Variants in THSD7B observed in about 807,000 individuals in gnomAD.
THSD7B encodes the protein thrombospondin type-1 domain-containing protein 7B.
THSD7B carries 138 observed loss-of-function variants against 213.6 expected under a neutral mutation model. That is an observed-to-expected ratio of 0.65 (90% CI 0.56 to 0.74). THSD7B has a LOEUF of 0.74. Among genes scored for constraint, THSD7B ranks in the 30% least tolerant of loss-of-function variants. The pLI, the probability that THSD7B is intolerant of heterozygous loss-of-function variation, is 0.00. For missense variants in THSD7B, 1,931 were observed against 1,991.5 expected (o/e 0.97, Z 0.58); for synonymous variants, 742 against 687.0 (o/e 1.08, Z -1.25).
chr2:137,620,593 T>C lies in THSD7B; in HGVS notation c.3682-16T>C. On this transcript the variant is annotated splice_polypyrimidine_tract_variant and intron_variant, in intron 19 of 27. Coordinates refer to ENST00000409968, the MANE Select transcript of THSD7B (RefSeq NM_001316349.2). ...GTGATTTCTCCAATAAAGTTGTGTT[T>C]CATTTCCATTTGCAGCATAATTTGG... 5 of 1,595,054 alleles carry C rather than the reference T, an allele frequency of 3.1e-6. No individual in the cohort carries two copies. The highest frequency in any genetic ancestry group is 4.3e-6 in the Non-Finnish European group (5 of 1,163,122).
intron 1 of THSD7B, among the ~76,000 whole-genome samples, chr2:136,781,999 A>G (rs1681751740): frequency 1.3e-5 from 2 of 152,248 alleles, no homozygotes; most frequent in South Asian, 4.1e-4. Flanking sequence ...AGGGCACAGC[A>G]TTAAAAAACT....
At chr2:136,983,358 G>GACACACACAGACACACACACAC (rs1553462389) in intron 2 of THSD7B, among the ~76,000 whole-genome samples, 1 of 105,028 alleles carries the variant, frequency 9.5e-6, no homozygotes, top group Non-Finnish European at 2.2e-5. Context: ...CAGACACACA[G>GACACACACAGACACACACACAC]ACACACACAC....
At chr2:136,795,210 A>G (rs575182781) in intron 1 of THSD7B, among the ~76,000 whole-genome samples, 1 of 152,096 alleles carries the variant, frequency 6.6e-6, no homozygotes, top group Admixed American at 6.6e-5. Context: ...CCGAGGTGTC[A>G]GCAGGGCTGT....
chr2:137,179,571 G>GA lies in THSD7B; in HGVS notation c.1723+8644dup, dbSNP rs35478628. On this transcript the variant is annotated intron_variant, in intron 7 of 27. Transcript: ENST00000409968. ...AAATGTGTTCAGGAAATATAGTGGG[G>GA]AAAAAAAAAAAGCCTTCCTAGAAAG... Among the ~76,000 whole-genome samples the GA allele has an allele frequency of 3.1e-3, 435 of 140,212 alleles. 4 individuals are homozygous for GA. The highest frequency in any genetic ancestry group is 9.9e-3 in the African/African-American group (385 of 38,962). The allele number at this position is 140,212 out of a possible 152,430, so 92.0% of individuals were successfully genotyped here.
chr2:136,927,373 GAAT>G (rs1684555647), intron 2 of THSD7B, among the ~76,000 whole-genome samples: 1 of 152,122 alleles, frequency 6.6e-6, no homozygotes, highest in Non-Finnish European at 1.5e-5. Context: ...TATTACGCAA[GAAT>G]ATTAAGAAAT....
intron 12 of THSD7B, among the ~76,000 whole-genome samples, chr2:137,362,724 A>G (rs570765308): frequency 1.3e-5 from 2 of 152,366 alleles, no homozygotes; most frequent in South Asian, 4.1e-4. Flanking sequence ...AGGAGCACCC[A>G]GATTCATAAA....
At chr2:136,874,199 T>G (rs1382792431) in intron 1 of THSD7B, among the ~76,000 whole-genome samples, 1 of 152,218 alleles carries the variant, frequency 6.6e-6, no homozygotes, top group Non-Finnish European at 1.5e-5. Context: ...TTGAGGTCAC[T>G]TGGAAACAAC....
intron 2 of THSD7B, among the ~76,000 whole-genome samples, chr2:137,043,389 T>C (rs1686916422): frequency 6.6e-6 from 1 of 152,054 alleles, no homozygotes; most frequent in Non-Finnish European, 1.5e-5. Flanking sequence ...TTATGGTACT[T>C]TTCCACTGTG....
At chr2:136,866,982 A>G (rs1683344398) in intron 1 of THSD7B, among the ~76,000 whole-genome samples, 1 of 151,790 alleles carries the variant, frequency 6.6e-6, no homozygotes, top group Non-Finnish European at 1.5e-5. Context: ...ATAATCTACT[A>G]CTGGAATAGA....
At chr2:137,089,605 G>A (rs900227990) in intron 3 of THSD7B, among the ~76,000 whole-genome samples, 3 of 151,990 alleles carry the variant, frequency 2.0e-5, no homozygotes, top group African/African-American at 7.3e-5. Context: ...TGGGAGCTAA[G>A]TTATGAGGAT....
chr2:137,269,694 G>T (rs1368997070), intron 10 of THSD7B, among the ~76,000 whole-genome samples: 1 of 152,054 alleles, frequency 6.6e-6, no homozygotes, highest in African/African-American at 2.4e-5. Context: ...TTTCCTAAAG[G>T]CATAATTATT....
intron 15 of THSD7B, among the ~76,000 whole-genome samples, chr2:137,546,377 ATATATATAT>A (rs1487713184): frequency 0.01 from 435 of 43,186 alleles, 24 homozygotes; most frequent in South Asian, 0.021. Flanking sequence ...TATATATATA[ATATATATAT>A]TATATATATT....
intron 12 of THSD7B, among the ~76,000 whole-genome samples, chr2:137,299,707 AT>A (rs993234945): frequency 6.6e-6 from 1 of 152,162 alleles, no homozygotes; most frequent in African/African-American, 2.4e-5. Context: ...ACTTTTAAAA[AT>A]ATTAAACTTG....
intron 6 of THSD7B, among the ~76,000 whole-genome samples, chr2:137,161,879 C>T (rs1441527056): frequency 6.6e-6 from 1 of 152,136 alleles, no homozygotes; most frequent in African/African-American, 2.4e-5. Flanking sequence ...TATGTTTAGC[C>T]TGTGCTGCTC....
intron 1 of THSD7B, among the ~76,000 whole-genome samples, chr2:136,798,935 C>G (rs1011127840): frequency 1.3e-5 from 2 of 151,916 alleles, no homozygotes; most frequent in Non-Finnish European, 2.9e-5. Flanking sequence ...TAGGCCTTGC[C>G]CAGAGATTCC....
intron 2 of THSD7B, among the ~76,000 whole-genome samples, chr2:136,929,858 C>T (rs1558856486): frequency 6.6e-6 from 1 of 152,114 alleles, no homozygotes; most frequent in Non-Finnish European, 1.5e-5. Context: ...TGAAGATGAC[C>T]TTTATGCAGT....
At chr2:137,398,800 G>A (rs1202539481) in intron 12 of THSD7B, among the ~76,000 whole-genome samples, 1 of 152,200 alleles carries the variant, frequency 6.6e-6, no homozygotes, top group Non-Finnish European at 1.5e-5. Context: ...AGACTGCTGT[G>A]CTAGCAATCA....
chr2:137,143,825 A>G (rs1398336365), intron 5 of THSD7B, among the ~76,000 whole-genome samples: 4 of 152,084 alleles, frequency 2.6e-5, no homozygotes, highest in African/African-American at 9.7e-5. Context: ...ACTTATATAT[A>G]GTTCTTCCAT....
chr2:136,984,686 T>C (rs987958708), intron 2 of THSD7B, among the ~76,000 whole-genome samples: 8 of 152,120 alleles, frequency 5.3e-5, no homozygotes, highest in African/African-American at 1.9e-4. Flanking sequence ...GAATGGGGTG[T>C]TATGTGGAAA....
Sources: allele counts gnomAD v4.1 joint callset (sites outside exome capture counted in the v4.1 genomes callset), GRCh38; gene constraint gnomAD v4.1.1; transcripts MANE v1.5; gene names NCBI Gene and HGNC (gene_info 2026-07-23, HGNC 2026-07-21).